The following SPOCK3 variants were observed in gnomAD, a reference collection of about 807,000 sequenced individuals.
The protein encoded by SPOCK3 is testican-3.
Under a neutral mutation model 56.6 loss-of-function variants are expected in SPOCK3, and 30 were observed. The observed-to-expected ratio is 0.53, with a 90% CI of 0.40 to 0.72. The LOEUF is 0.72. Among genes scored for constraint, SPOCK3 ranks in the 30% least tolerant of loss-of-function variants. The pLI, the probability that SPOCK3 is intolerant of heterozygous loss-of-function variation, is 0.00. For synonymous variants in SPOCK3, 196 were observed against 183.3 expected (o/e 1.07, Z -0.56); for missense variants, 527 against 530.0 (o/e 0.99, Z 0.06).
At chr4:166,738,788 A>G (rs1156947812) in intron 9 of SPOCK3, among the ~76,000 whole-genome samples, 3 of 151,794 alleles carry the variant, frequency 2.0e-5, no homozygotes, top group Non-Finnish European at 4.4e-5. Context: ...GTCGCTATAA[A>G]GGACATGAAC....
At chr4:167,036,102 T>C (rs1340481927) in intron 3 of SPOCK3, among the ~76,000 whole-genome samples, 1 of 152,222 alleles carries the variant, frequency 6.6e-6, no homozygotes, top group East Asian at 1.9e-4. Context: ...CTTGCCCAAA[T>C]ATATTTAAAT....
At chr4:167,126,222 C>A (rs895260288) in intron 2 of SPOCK3, among the ~76,000 whole-genome samples, 1 of 152,190 alleles carries the variant, frequency 6.6e-6, no homozygotes, top group Non-Finnish European at 1.5e-5. Flanking sequence ...AGTCCACAGT[C>A]TGACTGGACA....
chr4:167,145,625 T>C (rs1763881501), intron 2 of SPOCK3, among the ~76,000 whole-genome samples: 1 of 152,012 alleles, frequency 6.6e-6, no homozygotes, highest in Non-Finnish European at 1.5e-5. Context: ...GGTATTTCAA[T>C]GTAGAAAGAA....
chr4:166,976,782 T>C (rs1226821302), intron 4 of SPOCK3, among the ~76,000 whole-genome samples: 1 of 152,112 alleles, frequency 6.6e-6, no homozygotes, highest in Non-Finnish European at 1.5e-5. Context: ...CTATTATTTC[T>C]AGTCTCAAGA....
chr4:166,885,994 G>C (rs1734159296), intron 6 of SPOCK3, among the ~76,000 whole-genome samples: 1 of 152,068 alleles, frequency 6.6e-6, no homozygotes, highest in Non-Finnish European at 1.5e-5. Flanking sequence ...GTCTAGGGTA[G>C]AAAAATCCTA....
At chr4:166,808,642 C>T (rs907827228) in intron 6 of SPOCK3, among the ~76,000 whole-genome samples, 2 of 152,082 alleles carry the variant, frequency 1.3e-5, no homozygotes, top group Non-Finnish European at 2.9e-5. Flanking sequence ...ATTATGGCAG[C>T]CTGAGCTAAC....
chr4:166,815,710 G>A (rs888645067), intron 6 of SPOCK3, among the ~76,000 whole-genome samples: 11 of 151,974 alleles, frequency 7.2e-5, no homozygotes, highest in Admixed American at 1.3e-4. Context: ...CAGGAATTCC[G>A]GGTTACATGA....
At chr4:166,823,711 C>T (rs1165573065) in intron 6 of SPOCK3, among the ~76,000 whole-genome samples, 1 of 152,030 alleles carries the variant, frequency 6.6e-6, no homozygotes, top group Non-Finnish European at 1.5e-5. Context: ...TTTCATTTGG[C>T]CCCAACTCAA....
At chr4:167,164,056 T>C (rs1391973842) in intron 2 of SPOCK3, among the ~76,000 whole-genome samples, 1 of 152,080 alleles carries the variant, frequency 6.6e-6, no homozygotes, top group African/African-American at 2.4e-5. Context: ...AAGGTTAAAA[T>C]TTCCAGATCT....
chr4:167,069,942 T>G (rs1450502160), intron 2 of SPOCK3, among the ~76,000 whole-genome samples: 2 of 151,966 alleles, frequency 1.3e-5, no homozygotes, highest in African/African-American at 2.4e-5. Flanking sequence ...TCTGGATTTT[T>G]CATTCATTCC....
At chr4:167,003,595 C>T (rs1047783724) in intron 3 of SPOCK3, among the ~76,000 whole-genome samples, 1 of 152,118 alleles carries the variant, frequency 6.6e-6, no homozygotes, top group African/African-American at 2.4e-5. Context: ...TTCTTCTTTC[C>T]GTCTTGTTTT....
chr4:167,209,538 A>C (rs1228959731), intron 2 of SPOCK3, among the ~76,000 whole-genome samples: 1 of 152,090 alleles, frequency 6.6e-6, no homozygotes, highest in Admixed American at 6.6e-5. Context: ...TGTACGTCCT[A>C]TGTTCAAAAA....
chr4:166,991,915 T>C (rs1470665580), intron 4 of SPOCK3, among the ~76,000 whole-genome samples: 1 of 152,166 alleles, frequency 6.6e-6, no homozygotes, highest in Non-Finnish European at 1.5e-5. Context: ...CACGTGTATA[T>C]AAAGATACAT....
intron 3 of SPOCK3, among the ~76,000 whole-genome samples, chr4:167,060,754 C>A (rs1057166286): frequency 6.6e-6 from 1 of 152,038 alleles, no homozygotes; most frequent in Admixed American, 6.6e-5. Context: ...GGTAATATTG[C>A]ATAGCAGTTA....
At chr4:166,804,261 C>G (rs1742921933) in intron 6 of SPOCK3, among the ~76,000 whole-genome samples, 1 of 152,052 alleles carries the variant, frequency 6.6e-6, no homozygotes, top group East Asian at 1.9e-4. Context: ...AGGGTACAGT[C>G]CAAGACCAAG....
chr4:167,003,941 T>C (rs1419356114), intron 3 of SPOCK3, among the ~76,000 whole-genome samples: 5 of 152,192 alleles, frequency 3.3e-5, no homozygotes, highest in Non-Finnish European at 5.9e-5. Flanking sequence ...TTTTTCCCAG[T>C]TACTTCCAGA....
chr4:167,116,662 G>GTATATATATACATGTATATAC (rs763667092), intron 2 of SPOCK3, among the ~76,000 whole-genome samples: 1 of 62,942 alleles, frequency 1.6e-5, no homozygotes, highest in Non-Finnish European at 2.7e-5. Context: ...ACATATATAC[G>GTATATATATACATGTATATAC]TATATAGTAT....
intron 2 of SPOCK3, among the ~76,000 whole-genome samples, chr4:167,226,878 C>T (rs1445776686): frequency 6.6e-6 from 1 of 152,066 alleles, no homozygotes; most frequent in Non-Finnish European, 1.5e-5. Flanking sequence ...TATCGTTACT[C>T]GGGTACTCTG....
chr4:166,888,510 A>G (rs1039916344), intron 6 of SPOCK3, among the ~76,000 whole-genome samples: 2 of 152,072 alleles, frequency 1.3e-5, no homozygotes, highest in African/African-American at 4.8e-5. Context: ...TATAATAATG[A>G]TACCATGTAA....
Sources: gnomAD v4.1 joint callset for allele counts (sites outside exome capture counted in the v4.1 genomes callset) on GRCh38, gnomAD v4.1.1 for gene constraint, MANE v1.5 for transcripts, NCBI Gene and HGNC (gene_info 2026-07-23, HGNC 2026-07-21) for gene names.